Variants in FAM76B observed in about 807,000 individuals in gnomAD.
FAM76B encodes the protein protein FAM76B.
A neutral mutation model predicts 51.8 loss-of-function variants in FAM76B; 16 were observed. The ratio of observed to expected loss-of-function variants is 0.31; its 90% CI spans 0.21 to 0.47. The LOEUF is 0.47. Ranked by LOEUF, FAM76B falls within the 20% of genes least tolerant of loss-of-function variation. The pLI, the probability that FAM76B is intolerant of heterozygous loss-of-function variation, is 1.00. For missense variants in FAM76B, 342 were observed against 392.6 expected, an observed-to-expected ratio of 0.87 and a Z score of 1.09; for synonymous variants, 166 against 129.5, an observed-to-expected ratio of 1.28 and a Z score of -1.91.
At position 95,779,938 on chromosome 11, in the gene FAM76B, A is replaced by C. The variant is rs770353229; in HGVS notation, c.564-12T>G. 3.1e-6 allele frequency: 5 copies of C among 1,602,014 alleles called. No homozygotes were observed. In the East Asian group the frequency reaches 6.7e-5, roughly 22 times the overall value. On this transcript the variant is annotated splice_polypyrimidine_tract_variant and intron_variant, in intron 5 of 9. Transcript: ENST00000358780. Reference sequence around the variant, plus strand: ...TTAGATTGCTGATTCTGAAAAATACACAAATGACATCTAATAATGACATTT... The same window carrying C: ...TTAGATTGCTGATTCTGAAAAATACCCAAATGACATCTAATAATGACATTT...
chr11:95,771,893 G>C (rs934503229), intron 9 of FAM76B, among the ~76,000 whole-genome samples: 1 of 150,966 alleles, frequency 6.6e-6, no homozygotes, highest in African/African-American at 2.4e-5. Flanking sequence ...TGTGTCCAAA[G>C]ATGCACAATT....
chr11:95,770,827 A>G lies in FAM76B; in HGVS notation c.*734T>C, dbSNP rs1565281428. On this transcript the variant is annotated 3_prime_UTR_variant, in exon 10 of 10. Transcript: ENST00000358780. ...TTATTAAACATGATTTTAAAACAAAATGTATGTACAAAAGATCAGCATTCC... is the reference window on the plus strand; with the variant it reads ...TTATTAAACATGATTTTAAAACAAAGTGTATGTACAAAAGATCAGCATTCC... 6.6e-6 allele frequency: 1 copy of G among 151,760 alleles called. No homozygotes were observed. The highest frequency in any genetic ancestry group is 1.5e-5 in the Non-Finnish European group (1 of 67,430). 9.4% of individuals were successfully genotyped at this position (151,760 alleles called of 1,614,324 possible). A position where few individuals can be genotyped will look rare whatever the true frequency, so the allele number is the denominator to read the frequency against.
At chr11:95,779,406 A>T in intron 7 of FAM76B, 1 of 576,238 alleles carries the variant, frequency 1.7e-6, no homozygotes, top group South Asian at 2.6e-5. Context: ...TTTCCCAAAT[A>T]GAACAACATA....
intron 3 of FAM76B, 78 bp downstream of exon 3, chr11:95,787,546 A>G (rs1860669497): frequency 1.4e-6 from 2 of 1,408,410 alleles, no homozygotes; most frequent in East Asian, 2.4e-5. Flanking sequence ...AGCCAGCAGT[A>G]CATATTTTTT....
At chr11:95,786,372 C>T (rs1453550896) in intron 3 of FAM76B, 98 bp from the exon 4 acceptor site, 2 of 1,414,460 alleles carry the variant, frequency 1.4e-6, no homozygotes, top group Non-Finnish European at 1.9e-6. Context: ...ATTAAGAAAA[C>T]TCAGGTAAAA....
chr11:95,778,780 A>C (rs1235642446), intron 8 of FAM76B, 42 bp downstream of exon 8: 2 of 1,536,438 alleles, frequency 1.3e-6, no homozygotes, highest in Non-Finnish European at 1.7e-6. Context: ...AGCAACAGTC[A>C]ACACATAACT....
rs3802763 is a variant in FAM76B, at chr11:95,781,357, C to T, written c.564-1431G>A. ...GATCTATTGAACTTAAGATAGGACC[C>T]TACAAAGTAACTGTTCATCAAATGG... On this transcript the variant is annotated intron_variant, in intron 5 of 9. Transcript: ENST00000358780. 1.1e-3 allele frequency among the ~76,000 whole-genome samples: 164 copies of T among 152,180 alleles called. 2 individuals carry two copies. The East Asian group carries it at 0.03, about 28-fold the overall frequency.
chr11:95,789,519 G>A lies in FAM76B; in HGVS notation c.-41C>T, dbSNP rs1421960799. ...CCTCCTCCGCCGCCGCCCGCTCCGA[G>A]GCGGGGCCCTACGGAGAACCCGAGA... On this transcript the variant is annotated 5_prime_UTR_variant, in exon 1 of 10. Coordinates refer to ENST00000358780, the MANE Select transcript of FAM76B (RefSeq NM_144664.5). 4.5e-6 allele frequency: 7 copies of A among 1,555,438 alleles called. No individual in the cohort carries two copies. Among genetic ancestry groups the A allele is most frequent in the South Asian group, 1.2e-5 (1 of 85,102 alleles).
In FAM76B at chr11:95,775,907, A is replaced by C. The variant is rs918580491; in HGVS notation, c.930+15T>G. 4 of 1,519,194 alleles carry C rather than the reference A, an allele frequency of 2.6e-6. No individual in the cohort carries two copies. The highest frequency in any genetic ancestry group is 3.5e-6 in the Non-Finnish European group (4 of 1,126,910). The allele number at this position is 1,519,194 out of a possible 1,614,324, so 94.1% of individuals were successfully genotyped here. On this transcript the variant is annotated intron_variant, in intron 9 of 9. Transcript: ENST00000358780. ...CCCTTCTTGCCTATCATTTTACGTA[A>C]ATGATGGTAGTTACCTGAAGTTGTT...
intron 5 of FAM76B, among the ~76,000 whole-genome samples, 199 bp downstream of exon 5, chr11:95,782,866 G>A (rs1860348815): frequency 1.3e-5 from 2 of 152,036 alleles, no homozygotes; most frequent in South Asian, 4.1e-4. Flanking sequence ...CTGTATTATG[G>A]TAAACAGCTC....
At chr11:95,788,904 T>G in intron 1 of FAM76B, 1 of 1,357,416 alleles carries the variant, frequency 7.4e-7, no homozygotes, top group Non-Finnish European at 9.7e-7. Flanking sequence ...TGGGAGGAGC[T>G]CCAAATCAGA....
At position 95,789,780 on chromosome 11, in the gene FAM76B, T is replaced by C. The variant is rs960056732; in HGVS notation, c.-302A>G. On this transcript the variant is annotated 5_prime_UTR_variant, in exon 1 of 10. Transcript: ENST00000358780. Reference sequence around the variant, plus strand: ...TGCTGTTTAGCTGTGCGGCCGTGGATCCGCTTCCTTCTCGGCCTCCCTTTC... The same window carrying C: ...TGCTGTTTAGCTGTGCGGCCGTGGACCCGCTTCCTTCTCGGCCTCCCTTTC... 6.0e-6 allele frequency: 2 copies of C among 331,674 alleles called. No individual in the cohort carries two copies. Among genetic ancestry groups the C allele is most frequent in the Non-Finnish European group, 5.5e-6 (1 of 182,778 alleles). The allele number at this position is 331,674 out of a possible 1,614,324, so 20.5% of individuals were successfully genotyped here.
At chr11:95,779,846 A>C (rs777173450) in intron 6 of FAM76B, 33 bp downstream of exon 6, 2 of 1,588,682 alleles carry the variant, frequency 1.3e-6, no homozygotes, top group South Asian at 2.3e-5. Context: ...TATACATTTC[A>C]AAATACTTCA....
chr11:95,789,103 C>T (rs893628308), intron 1 of FAM76B: 1 of 1,401,674 alleles, frequency 7.1e-7, no homozygotes, highest in Non-Finnish European at 9.3e-7. Context: ...GCGGCATAGA[C>T]AGGTGGCTGC....
intron 5 of FAM76B, among the ~76,000 whole-genome samples, chr11:95,780,937 A>G (rs1046800693): frequency 2.0e-5 from 3 of 152,068 alleles, no homozygotes; most frequent in Non-Finnish European, 2.9e-5. Flanking sequence ...GAAGTTTTTT[A>G]AGCAAAAGAA....
At position 95,783,260 on chromosome 11, in the gene FAM76B, T is replaced by A. The variant is rs1263541098; in HGVS notation, c.368A>T (p.Asp123Val). 6.2e-7 allele frequency: 1 copy of A among 1,611,000 alleles called. No individual in the cohort carries two copies. Among genetic ancestry groups the A allele is most frequent in the Admixed American group, 1.7e-5 (1 of 59,732 alleles). Residue 123 changes from aspartate (D) to valine (V), a missense_variant, in exon 5 of 10, where the codon GAT becomes GTT. Asp to Val is a radical substitution (Grantham distance 152, BLOSUM62 -3). Transcript: ENST00000358780. The stretch of plus-strand genomic sequence containing the variant: ...ACAGAGCCAGCATAATAACTTTCCA[T>A]CAACCTTTTAAGAAAATGTGTTAAA... ...DRKEEGRRKV[D>V]GKLLCWLCTL...
chr11:95,782,514 T>C (rs530094246), intron 5 of FAM76B, among the ~76,000 whole-genome samples: 15 of 152,220 alleles, frequency 9.9e-5, no homozygotes, highest in African/African-American at 3.4e-4. Flanking sequence ...GTTGTCTCTA[T>C]TTAAGTAGAG....
chr11:95,785,664 A>G (rs1324025937), intron 4 of FAM76B, among the ~76,000 whole-genome samples: 2 of 152,252 alleles, frequency 1.3e-5, no homozygotes, highest in African/African-American at 4.8e-5. Context: ...GAATTATCAC[A>G]TGAACACAAA....
intron 1 of FAM76B, chr11:95,789,071 A>C: frequency 7.1e-7 from 1 of 1,399,778 alleles, no homozygotes; most frequent in East Asian, 3.2e-5. Flanking sequence ...CGAGATGAAA[A>C]CATCTCCACC....
Sources: allele counts gnomAD v4.1 joint callset (sites outside exome capture counted in the v4.1 genomes callset), GRCh38; gene constraint gnomAD v4.1.1; transcripts MANE v1.5; gene names NCBI Gene and HGNC (gene_info 2026-07-23, HGNC 2026-07-21).